The following ATP10B variants were observed in gnomAD, a reference collection of about 807,000 sequenced individuals.
The protein encoded by ATP10B is ATPase phospholipid transporting 10B (putative).
ATP10B carries 122 observed loss-of-function variants against 141.2 expected under a neutral mutation model. The observed-to-expected ratio is 0.86, with a 90% CI of 0.75 to 1.00. The LOEUF (loss-of-function observed/expected upper bound fraction) is 1.00. Among genes scored for constraint, ATP10B ranks in the 50% least tolerant of loss-of-function variants. The probability of loss-of-function intolerance (pLI) is 0.00; values close to 1 mark genes in which losing one functional copy is unlikely to be tolerated. For synonymous variants in ATP10B, 685 were observed against 692.0 expected, an observed-to-expected ratio of 0.99 and a Z score of 0.16; for missense variants, 1,876 against 1,825.3, an observed-to-expected ratio of 1.03 and a Z score of -0.51.
In ATP10B at chr5:160,598,100, C is replaced by T. The variant is rs544141299; in HGVS notation, c.3564+670G>A. 1.1e-3 allele frequency among the ~76,000 whole-genome samples: 161 copies of T among 146,514 alleles called. 1 individual carries two copies. Among genetic ancestry groups the T allele is most frequent in the Middle Eastern group, 0.01 (3 of 292 alleles). On this transcript the variant is annotated intron_variant, in intron 22 of 25. Coordinates refer to ENST00000327245, the MANE Select transcript of ATP10B (RefSeq NM_025153.3). Reference sequence around the variant, plus strand: ...AGACACATGCACACATATGTTGTTGCGGCACTACTCACAATAGCAAAGACT... The same window carrying T: ...AGACACATGCACACATATGTTGTTGTGGCACTACTCACAATAGCAAAGACT...
At chr5:160,909,187 C>T in the ATP10B span, among the ~76,000 whole-genome samples, 1 of 152,146 alleles carries the variant, frequency 6.6e-6, no homozygotes, top group Non-Finnish European at 1.5e-5. Flanking sequence ...CACTTCAGCC[C>T]AGACTATGAG....
the ATP10B span, among the ~76,000 whole-genome samples, chr5:160,920,168 T>C: frequency 2.6e-5 from 4 of 152,152 alleles, no homozygotes; most frequent in Non-Finnish European, 5.9e-5. Context: ...GCACTTACAG[T>C]CGATCGAGCA....
At chr5:160,652,887 A>ATAC (rs1491211233) in intron 7 of ATP10B, among the ~76,000 whole-genome samples, 4 of 34,866 alleles carry the variant, frequency 1.1e-4, no homozygotes, top group Admixed American at 4.1e-4. Flanking sequence ...ATATATATAT[A>ATAC]ATTATATAAT....
chr5:160,655,047 T>C (rs965706872), intron 7 of ATP10B, among the ~76,000 whole-genome samples: 20 of 152,158 alleles, frequency 1.3e-4, no homozygotes, highest in African/African-American at 4.3e-4. Context: ...TAAGCTCTCC[T>C]CTTGGCCCTA....
At chr5:160,865,068 G>A in the ATP10B span, among the ~76,000 whole-genome samples, 2 of 151,716 alleles carry the variant, frequency 1.3e-5, no homozygotes, top group African/African-American at 4.8e-5. Context: ...AACTAGAAAA[G>A]ACAATCCTAG....
chr5:160,590,593 C>T (rs115790212), intron 23 of ATP10B, among the ~76,000 whole-genome samples: 2,399 of 152,296 alleles, frequency 0.016, 28 homozygotes, highest in Middle Eastern at 0.075. Context: ...ATCTCATTAT[C>T]GGAACTTGCT....
intron 1 of ATP10B, among the ~76,000 whole-genome samples, chr5:160,798,744 A>ATTTTTTTTTTTTTTTTTTTTTTTT (rs35866347): frequency 9.8e-6 from 1 of 102,502 alleles, no homozygotes. Context: ...CTTTTTCTCT[A>ATTTTTTTTTTTTTTTTTTTTTTTT]TTTTTTTTTT....
intron 2 of ATP10B, among the ~76,000 whole-genome samples, chr5:160,744,688 G>A (rs891817496): frequency 7.9e-5 from 12 of 152,326 alleles, no homozygotes; most frequent in South Asian, 4.1e-4. Flanking sequence ...ATTTCTATTT[G>A]AAAGACCCTA....
At chr5:160,862,440 A>G in the ATP10B span, among the ~76,000 whole-genome samples, 2 of 151,936 alleles carry the variant, frequency 1.3e-5, no homozygotes, top group African/African-American at 2.4e-5. Flanking sequence ...CCATAATCAC[A>G]TAAGTCAATT....
the ATP10B span, among the ~76,000 whole-genome samples, chr5:160,917,797 T>G: frequency 9.8e-5 from 15 of 152,340 alleles, no homozygotes; most frequent in Non-Finnish European, 1.9e-4. Context: ...CTACCCTCCC[T>G]TCCAGGTTTG....
chr5:160,778,300 T>C (rs1770480722), intron 2 of ATP10B, among the ~76,000 whole-genome samples: 1 of 152,204 alleles, frequency 6.6e-6, no homozygotes, highest in Admixed American at 6.5e-5. Context: ...TAAAAGCATT[T>C]TATTTTCTCC....
chr5:160,565,548 T>G lies in ATP10B; in HGVS notation c.4291A>C (p.Asn1431His). The G allele has an allele frequency of 6.2e-7, 1 of 1,614,102 alleles. No homozygotes were observed. Among genetic ancestry groups the G allele is most frequent in the Non-Finnish European group, 8.5e-7 (1 of 1,179,968 alleles). Reference protein sequence around the residue: ...LSSGEHLLGPNRIMAYSRGQT... With the variant: ...LSSGEHLLGPHRIMAYSRGQT... ...CCTCTTGAGTAGGCCATTATCCTGTTAGGTCCCAGCAGGTGCTCCCCGGAT... is the reference window on the plus strand; with the variant it reads ...CCTCTTGAGTAGGCCATTATCCTGTGAGGTCCCAGCAGGTGCTCCCCGGAT... Residue 1431 changes from asparagine to histidine, a missense_variant, in exon 26 of 26, where the codon AAC becomes CAC. Coordinates refer to ENST00000327245, the MANE Select transcript of ATP10B (RefSeq NM_025153.3).
At chr5:160,680,152 A>G (rs6895233) in intron 6 of ATP10B, among the ~76,000 whole-genome samples, 2 of 152,170 alleles carry the variant, frequency 1.3e-5, no homozygotes, top group African/African-American at 4.8e-5. Flanking sequence ...GGCTTAGGTC[A>G]TGAGCAAAAT....
intron 2 of ATP10B, among the ~76,000 whole-genome samples, chr5:160,783,492 G>A (rs114813410): frequency 0.16 from 20,717 of 127,336 alleles, 1,855 homozygotes; most frequent in Middle Eastern, 0.19. Flanking sequence ...ATATATGATC[G>A]ATATATATCA....
At chr5:160,707,156 G>A (rs1261209263) in intron 3 of ATP10B, among the ~76,000 whole-genome samples, 1 of 152,052 alleles carries the variant, frequency 6.6e-6, no homozygotes, top group African/African-American at 2.4e-5. Context: ...TCACCATGTT[G>A]GCCAGGCTGG....
At chr5:160,683,322 A>G (rs1410575163) in intron 6 of ATP10B, among the ~76,000 whole-genome samples, 1 of 152,222 alleles carries the variant, frequency 6.6e-6, no homozygotes, top group African/African-American at 2.4e-5. Flanking sequence ...GCAAAGAGAC[A>G]AGAAGCTCAT....
intron 7 of ATP10B, among the ~76,000 whole-genome samples, chr5:160,666,061 G>T (rs1468528335): frequency 1.3e-5 from 2 of 152,200 alleles, no homozygotes; most frequent in African/African-American, 4.8e-5. Context: ...GTGATCTTAG[G>T]CTTAAAATAG....
chr5:160,866,420 T>A, the ATP10B span, among the ~76,000 whole-genome samples: 2 of 152,134 alleles, frequency 1.3e-5, no homozygotes, highest in African/African-American at 2.4e-5. Context: ...ATGCTTATCA[T>A]CACAGTATTT....
At chr5:160,799,042 C>T (rs368900557) in intron 1 of ATP10B, among the ~76,000 whole-genome samples, 45 of 152,126 alleles carry the variant, frequency 3.0e-4, no homozygotes, top group East Asian at 2.5e-3. Flanking sequence ...TAAGCCACCA[C>T]GCCCAGCCAT....
Sources: allele counts gnomAD v4.1 joint callset (sites outside exome capture counted in the v4.1 genomes callset), GRCh38; gene constraint gnomAD v4.1.1; transcripts MANE v1.5; gene names NCBI Gene and HGNC (gene_info 2026-07-23, HGNC 2026-07-21).